The following FSTL4 variants were observed in gnomAD, a reference collection of about 807,000 sequenced individuals.
FSTL4 encodes follistatin like 4, also known as follistatin-related protein 4.
A neutral mutation model predicts 78.2 loss-of-function variants in FSTL4; 28 were observed. The observed-to-expected ratio is 0.36, with a 90% CI of 0.27 to 0.49. The LOEUF is 0.49. Ranked by LOEUF, FSTL4 falls within the 20% of genes least tolerant of loss-of-function variation. The probability of loss-of-function intolerance (pLI) is 0.98; values close to 1 mark genes in which losing one functional copy is unlikely to be tolerated. For missense variants in FSTL4, 922 were observed against 1,084.9 expected (o/e 0.85, Z 2.11); for synonymous variants, 422 against 440.5 (o/e 0.96, Z 0.53).
intron 3 of FSTL4, among the ~76,000 whole-genome samples, chr5:133,564,659 G>A (rs920955656): frequency 4.6e-5 from 7 of 152,148 alleles, no homozygotes; most frequent in African/African-American, 1.7e-4. Flanking sequence ...AAGAAAGAGA[G>A]TTGGAAAGGA....
At chr5:133,641,027 T>C in the FSTL4 span, among the ~76,000 whole-genome samples, 1 of 152,222 alleles carries the variant, frequency 6.6e-6, no homozygotes, top group Admixed American at 6.5e-5. Flanking sequence ...GTGCAGGTTG[T>C]GTACTGCACT....
chr5:133,825,065 G>A, the FSTL4 span, among the ~76,000 whole-genome samples: 1 of 152,140 alleles, frequency 6.6e-6, no homozygotes, highest in Non-Finnish European at 1.5e-5. Context: ...AGGCTCAGTG[G>A]CCTGGCTCCA....
At chr5:133,565,969 A>G (rs1490879491) in intron 3 of FSTL4, among the ~76,000 whole-genome samples, 1 of 152,166 alleles carries the variant, frequency 6.6e-6, no homozygotes, top group Non-Finnish European at 1.5e-5. Context: ...TGTGAACACT[A>G]CTTTCCATAA....
intron 6 of FSTL4, among the ~76,000 whole-genome samples, chr5:133,263,745 G>T (rs891617359): frequency 2.2e-4 from 34 of 152,194 alleles, no homozygotes; most frequent in African/African-American, 7.7e-4. Flanking sequence ...TGTTTTTAAG[G>T]TGTTGTGTTT....
the FSTL4 span, among the ~76,000 whole-genome samples, chr5:133,749,104 A>C: frequency 6.6e-6 from 1 of 152,156 alleles, no homozygotes; most frequent in Non-Finnish European, 1.5e-5. Flanking sequence ...AGGTTAGAAG[A>C]GTTGATCTTA....
Position 133,548,094 on chromosome 5 carries a change from C to T in FSTL4, c.160+19092G>A, listed in dbSNP as rs1024786489. On this transcript the variant is annotated intron_variant, in intron 3 of 15. Coordinates refer to ENST00000265342, the MANE Select transcript of FSTL4 (RefSeq NM_015082.2). ...CTCTGCATTTAGGACCCTCCCAGAC[C>T]TTGCTCTATGTATTTCTTCATTTGG... Among the ~76,000 whole-genome samples, 5 of 152,182 alleles carry T rather than the reference C, an allele frequency of 3.3e-5. No homozygotes were observed. The South Asian group carries it at 1.0e-3, about 31-fold the overall frequency.
At position 133,361,616 on chromosome 5, in the gene FSTL4, C is replaced by A. The variant is rs934064830; in HGVS notation, c.409+39122G>T. On this transcript the variant is annotated intron_variant, in intron 4 of 15. Coordinates refer to ENST00000265342, the MANE Select transcript of FSTL4 (RefSeq NM_015082.2). This position sits in a 1 kb window ranked among gnomAD's most constrained non-coding sequence, Gnocchi z 4.3. The stretch of plus-strand genomic sequence containing the variant: ...AAAAATTTCCCTAAAAATTTTGAGA[C>A]TGGGAATGTATAGCCATGAGGAAAC... Among the ~76,000 whole-genome samples the A allele has an allele frequency of 6.6e-6, 1 of 152,174 alleles. No individual in the cohort carries two copies. Among genetic ancestry groups the A allele is most frequent in the Non-Finnish European group, 1.5e-5 (1 of 68,032 alleles).
At chr5:133,330,628 C>T (rs1286635705) in intron 4 of FSTL4, among the ~76,000 whole-genome samples, 2 of 152,148 alleles carry the variant, frequency 1.3e-5, no homozygotes, top group Non-Finnish European at 2.9e-5. Context: ...TACAAATATC[C>T]AAAGAATAAT....
chr5:133,700,097 G>A, the FSTL4 span, among the ~76,000 whole-genome samples: 1 of 152,008 alleles, frequency 6.6e-6, no homozygotes, highest in Non-Finnish European at 1.5e-5. Flanking sequence ...ACCACACATC[G>A]AGTAGCATCA....
the FSTL4 span, among the ~76,000 whole-genome samples, chr5:133,781,120 T>C: frequency 6.6e-6 from 1 of 152,184 alleles, no homozygotes; most frequent in Admixed American, 6.5e-5. Context: ...CATTGGTCCC[T>C]GGTGATCACC....
intron 12 of FSTL4, 119 bp from the exon 13 acceptor site, chr5:133,217,497 G>T (rs948419024): frequency 1.7e-5 from 16 of 944,500 alleles, no homozygotes; most frequent in Non-Finnish European, 2.5e-5. Flanking sequence ...GAATCCTTTG[G>T]ATCCATAGAA....
chr5:133,652,078 G>A, the FSTL4 span, among the ~76,000 whole-genome samples: 1 of 151,954 alleles, frequency 6.6e-6, no homozygotes, highest in African/African-American at 2.4e-5. Context: ...TCCTTTTAAT[G>A]TCCATGGGAT....
chr5:133,221,429 T>A (rs1751101073), intron 11 of FSTL4, among the ~76,000 whole-genome samples: 2 of 139,554 alleles, frequency 1.4e-5, no homozygotes, highest in African/African-American at 5.2e-5. Context: ...CCCCACCGTT[T>A]CTCTGGCAGC....
At chr5:133,744,127 T>G in the FSTL4 span, among the ~76,000 whole-genome samples, 47 of 152,342 alleles carry the variant, frequency 3.1e-4, 1 homozygote, top group African/African-American at 8.4e-4. Flanking sequence ...ATTTCCTTCA[T>G]GCTTTAAAGC....
At chr5:133,400,628 T>C in intron 4 of FSTL4, 110 bp downstream of exon 4, 4 of 1,012,144 alleles carry the variant, frequency 4.0e-6, no homozygotes, top group Non-Finnish European at 5.9e-6. Flanking sequence ...TTTGTCTTTA[T>C]TTCCTAAACA....
At chr5:133,603,718 G>A in intron 2 of FSTL4, 140 bp downstream of exon 2, 2 of 963,806 alleles carry the variant, frequency 2.1e-6, no homozygotes, top group East Asian at 2.5e-5. Flanking sequence ...GCCTTCTTCT[G>A]TCCCCACCAA....
At chr5:133,782,729 G>T in the FSTL4 span, among the ~76,000 whole-genome samples, 1 of 152,292 alleles carries the variant, frequency 6.6e-6, no homozygotes, top group East Asian at 1.9e-4. Flanking sequence ...CTGTAGAGCC[G>T]GTTAGTATTT....
chr5:133,234,723 T>C (rs1751603062), intron 7 of FSTL4, among the ~76,000 whole-genome samples: 1 of 152,182 alleles, frequency 6.6e-6, no homozygotes, highest in Admixed American at 6.5e-5. Context: ...AGGATTTAGC[T>C]TGAGCTCTGC....
intron 13 of FSTL4, among the ~76,000 whole-genome samples, chr5:133,215,752 G>GC (rs1750886934): frequency 6.6e-6 from 1 of 152,148 alleles, no homozygotes; most frequent in Non-Finnish European, 1.5e-5. Context: ...ATGGTTCCAT[G>GC]CCTTTTTCCA....
Sources: gnomAD v4.1 joint callset for allele counts (sites outside exome capture counted in the v4.1 genomes callset) on GRCh38, gnomAD v4.1.1 for gene constraint, Gnocchi (gnomAD v3.1) non-coding constraint, MANE v1.5 for transcripts, NCBI Gene and HGNC (gene_info 2026-07-23, HGNC 2026-07-21) for gene names.